Variants in GRAMD4 observed in about 807,000 individuals in gnomAD.
GRAMD4 encodes the protein GRAM domain-containing protein 4.
Under a neutral mutation model 83.9 loss-of-function variants are expected in GRAMD4, and 25 were observed. The ratio of observed to expected loss-of-function variants is 0.30; its 90% CI spans 0.22 to 0.42. The LOEUF (loss-of-function observed/expected upper bound fraction) is 0.42, where lower values mean the gene tolerates loss of function less well. Ranked by LOEUF, GRAMD4 falls within the 10% of genes least tolerant of loss-of-function variation. The pLI is 1.00. For synonymous variants in GRAMD4, 336 were observed against 320.9 expected (o/e 1.05, Z -0.50); for missense variants, 593 against 788.7 (o/e 0.75, Z 2.97).
At position 46,679,566 on chromosome 22, in the gene GRAMD4, G is replaced by A. The variant is rs2082647027; in HGVS notation, c.*2315G>A. 6 of 985,000 alleles carry A rather than the reference G, an allele frequency of 6.1e-6. No individual in the cohort carries two copies. The highest frequency in any genetic ancestry group is 7.2e-6 in the Non-Finnish European group (6 of 829,368). The allele number at this position is 985,000 out of a possible 1,614,324, so 61.0% of individuals were successfully genotyped here. A position where few individuals can be genotyped will look rare whatever the true frequency, so the allele number is the denominator to read the frequency against. On this transcript the variant is annotated 3_prime_UTR_variant, in exon 19 of 19. Transcript: ENST00000406902. ...TCTGTGACTAATCACTGAACTAGACGAATGTTAAATTTTTTATGTCTGAAG... is the reference window on the plus strand; with the variant it reads ...TCTGTGACTAATCACTGAACTAGACAAATGTTAAATTTTTTATGTCTGAAG...
At chr22:46,591,287 G>C (rs114785010) in intron 1 of GRAMD4, among the ~76,000 whole-genome samples, 3,110 of 151,846 alleles carry the variant, frequency 0.02, 114 homozygotes, top group African/African-American at 0.072. Context: ...GAGGCTGAGA[G>C]GGGGAGGATT....
chr22:46,677,315 T>TC lies in GRAMD4; in HGVS notation c.*64_*65insC, dbSNP rs1231286828. On this transcript the variant is annotated 3_prime_UTR_variant, in exon 19 of 19. Coordinates refer to ENST00000406902, the MANE Select transcript of GRAMD4 (RefSeq NM_015124.5). ...CTTTTTCTTTTTCTTTTTTTTTTTT[T>TC]ACGATTTGGTAGTGGAAACAATTGG... 6.7e-7 allele frequency: 1 copy of TC among 1,496,672 alleles called. No individual in the cohort carries two copies. The highest frequency in any genetic ancestry group is 2.4e-5 in the East Asian group (1 of 41,350). The allele number at this position is 1,496,672 out of a possible 1,614,324, so 92.7% of individuals were successfully genotyped here.
Position 46,653,207 on chromosome 22 carries a change from G to C in GRAMD4, c.284-4980G>C, listed in dbSNP as rs570580602. On this transcript the variant is annotated intron_variant, in intron 3 of 18. Coordinates refer to ENST00000406902, the MANE Select transcript of GRAMD4 (RefSeq NM_015124.5). ...TTTGCCACGCTGTCCGAGGAGCCCT[G>C]TCTGCAAGGCTGAGGGGGCCGTGCC... 2.6e-5 allele frequency among the ~76,000 whole-genome samples: 4 copies of C among 152,368 alleles called. No individual in the cohort carries two copies. In the East Asian group the frequency reaches 7.7e-4, roughly 29 times the overall value.
At chr22:46,641,470 G>C (rs1201444007) in intron 3 of GRAMD4, among the ~76,000 whole-genome samples, 1 of 152,198 alleles carries the variant, frequency 6.6e-6, no homozygotes, top group African/African-American at 2.4e-5. Flanking sequence ...GCAGCTCTCT[G>C]TGAATGAAGA....
chr22:46,646,479 G>A (rs1247806377), intron 3 of GRAMD4, among the ~76,000 whole-genome samples: 1 of 152,204 alleles, frequency 6.6e-6, no homozygotes, highest in Non-Finnish European at 1.5e-5. Flanking sequence ...GGAGCGGAAG[G>A]GAAGTTTCTA....
At chr22:46,595,646 C>T (rs2081255013) in intron 1 of GRAMD4, among the ~76,000 whole-genome samples, 1 of 152,238 alleles carries the variant, frequency 6.6e-6, no homozygotes, top group Non-Finnish European at 1.5e-5. Context: ...GAGCGTCACC[C>T]CTCCCACCCA....
intron 1 of GRAMD4, among the ~76,000 whole-genome samples, chr22:46,581,943 G>A (rs2081102991): frequency 6.6e-6 from 1 of 152,202 alleles, no homozygotes; most frequent in African/African-American, 2.4e-5. Flanking sequence ...TTGAGAGCTG[G>A]CTCTGGCCTG....
intron 1 of GRAMD4, among the ~76,000 whole-genome samples, chr22:46,601,498 A>G (rs796188381): frequency 3.3e-5 from 5 of 151,922 alleles, no homozygotes; most frequent in African/African-American, 1.2e-4. Flanking sequence ...AAAATTTTTA[A>G]TTTAATTTAA....
Position 46,679,118 on chromosome 22 carries a change from G to C in GRAMD4, c.*1867G>C. On this transcript the variant is annotated 3_prime_UTR_variant, in exon 19 of 19. Transcript: ENST00000406902. ...ACCCCCAGGGGCGGCTGCAGAGGCA[G>C]TGCCCGCAGACAATGGCCACACCTC... The C allele has an allele frequency of 1.0e-6, 1 of 985,550 alleles. No individual in the cohort carries two copies. Among genetic ancestry groups the C allele is most frequent in the Non-Finnish European group, 1.2e-6 (1 of 829,992 alleles). The allele number at this position is 985,550 out of a possible 1,614,324, so 61.1% of individuals were successfully genotyped here. A position where few individuals can be genotyped will look rare whatever the true frequency, so the allele number is the denominator to read the frequency against.
In GRAMD4 at chr22:46,599,205, C is replaced by T. The variant is rs187540656; in HGVS notation, c.-50+21915C>T. 4.6e-5 allele frequency among the ~76,000 whole-genome samples: 7 copies of T among 151,720 alleles called. No homozygotes were observed. The East Asian group carries it at 9.8e-4, about 21-fold the overall frequency. On this transcript the variant is annotated intron_variant, in intron 1 of 1. Transcript: ENST00000431155. ...ATTTCTGCTGTTGAGCCACCCTGGG[C>T]GCAGACAGGGCCTGTGTGTGAGAGT...
intron 3 of GRAMD4, among the ~76,000 whole-genome samples, chr22:46,653,792 A>C (rs1030239358): frequency 3.3e-5 from 5 of 152,130 alleles, no homozygotes; most frequent in African/African-American, 1.2e-4. Context: ...ATGTGTGGGT[A>C]CTAGGAGTTA....
chr22:46,659,321 A>G lies in GRAMD4; in HGVS notation c.404+1014A>G, dbSNP rs2082294424. Among the ~76,000 whole-genome samples the G allele has an allele frequency of 1.4e-5, 2 of 139,892 alleles. No individual in the cohort carries two copies. The highest frequency in any genetic ancestry group is 4.1e-4 in the East Asian group (2 of 4,856). The allele number at this position is 139,892 out of a possible 152,430, so 91.8% of individuals were successfully genotyped here. On this transcript the variant is annotated intron_variant, in intron 4 of 18. Transcript: ENST00000406902. This position sits in a 1 kb window ranked among gnomAD's most constrained non-coding sequence, Gnocchi z 4.1. ...TCTTCAGCCTCCGTCCTCAGACTCC[A>G]CTCCCTCAGCCTCCCCACTCAGGTT... is the stretch of plus-strand genomic sequence containing the variant.
intron 2 of GRAMD4, among the ~76,000 whole-genome samples, chr22:46,633,975 C>T (rs980687587): frequency 6.6e-6 from 1 of 152,226 alleles, no homozygotes; most frequent in East Asian, 1.9e-4. Flanking sequence ...CACGTTACTC[C>T]TGGGCCACCC....
At chr22:46,594,483 C>T (rs2081241411) in intron 1 of GRAMD4, among the ~76,000 whole-genome samples, 1 of 151,794 alleles carries the variant, frequency 6.6e-6, no homozygotes, top group African/African-American at 2.4e-5. Flanking sequence ...GGAGCACTGG[C>T]CAGAGGAGGG....
rs992678850 is a variant in GRAMD4, at chr22:46,679,469, G to A, written c.*2218G>A. The A allele has an allele frequency of 9.1e-6, 9 of 985,436 alleles. No homozygotes were observed. The highest frequency in any genetic ancestry group is 8.7e-5 in the African/African-American group (5 of 57,232). The allele number at this position is 985,436 out of a possible 1,614,324, so 61.0% of individuals were successfully genotyped here. A position where few individuals can be genotyped will look rare whatever the true frequency, so the allele number is the denominator to read the frequency against. On this transcript the variant is annotated 3_prime_UTR_variant, in exon 19 of 19. Transcript: ENST00000406902. ...TCGGGAGCGGAGCGCGGATCGGCACGGGCTCTGGGCTCCCCGTGGAGAGAA... is the reference window on the plus strand; with the variant it reads ...TCGGGAGCGGAGCGCGGATCGGCACAGGCTCTGGGCTCCCCGTGGAGAGAA...
At chr22:46,636,266 T>C (rs549639618) in intron 2 of GRAMD4, among the ~76,000 whole-genome samples, 5 of 152,290 alleles carry the variant, frequency 3.3e-5, no homozygotes, top group African/African-American at 1.2e-4. Flanking sequence ...TCCGCTGGCC[T>C]CCCAGAACAG....
intron 1 of GRAMD4, among the ~76,000 whole-genome samples, chr22:46,586,240 C>T (rs763607118): frequency 2.6e-5 from 4 of 152,208 alleles, no homozygotes; most frequent in Non-Finnish European, 5.9e-5. Flanking sequence ...TGCCTTCCTG[C>T]TGACCGTGTC....
At chr22:46,638,511 A>G (rs764125837) in intron 3 of GRAMD4, among the ~76,000 whole-genome samples, 1 of 152,224 alleles carries the variant, frequency 6.6e-6, no homozygotes, top group Non-Finnish European at 1.5e-5. Context: ...AGATTCTTAC[A>G]GGAGGGGCTC....
At chr22:46,601,796 TAA>T (rs894836981) in intron 1 of GRAMD4, among the ~76,000 whole-genome samples, 1 of 152,040 alleles carries the variant, frequency 6.6e-6, no homozygotes, top group Non-Finnish European at 1.5e-5. Context: ...ACCTTGTCTC[TAA>T]AAAACTTTTT....
Sources: gnomAD v4.1 joint callset for allele counts (sites outside exome capture counted in the v4.1 genomes callset) on GRCh38, gnomAD v4.1.1 for gene constraint, Gnocchi (gnomAD v3.1) non-coding constraint, MANE v1.5 for transcripts, NCBI Gene and HGNC (gene_info 2026-07-23, HGNC 2026-07-21) for gene names.